MAF: variants seen among roughly 807,000 people sequenced by gnomAD.
MAF encodes the protein transcription factor Maf.
A neutral mutation model predicts 22.0 loss-of-function variants in MAF; 10 were observed. The observed-to-expected ratio is 0.45, with a 90% CI of 0.28 to 0.77. MAF has a LOEUF of 0.77. MAF is among the 30% of genes least tolerant of loss of function. MAF has a pLI of 0.12. For missense variants in MAF, 544 were observed against 548.4 expected (o/e 0.99, Z 0.08); for synonymous variants, 337 against 255.8 (o/e 1.32, Z -3.03).
the MAF span, among the ~76,000 whole-genome samples, chr16:79,571,483 G>A: frequency 1.0e-3 from 153 of 149,322 alleles, no homozygotes; most frequent in Non-Finnish European, 1.7e-3. Context: ...ATTCTTTCTA[G>A]CCTGGTGCAG....
chr16:79,228,985 C>A, the MAF span, among the ~76,000 whole-genome samples: 3 of 151,888 alleles, frequency 2.0e-5, no homozygotes, highest in South Asian at 4.1e-4. Context: ...ATCGTTAACA[C>A]ACATCCATCA....
chr16:79,351,037 T>G, the MAF span, among the ~76,000 whole-genome samples: 1 of 152,114 alleles, frequency 6.6e-6, no homozygotes, highest in Non-Finnish European at 1.5e-5. Context: ...ACTGGCCACT[T>G]CCCGGGGAAG....
the MAF span, among the ~76,000 whole-genome samples, chr16:79,246,551 T>A: frequency 1.4e-4 from 11 of 78,530 alleles, 1 homozygote; most frequent in Admixed American, 2.4e-4. Context: ...GGGGGGGGTG[T>A]GGGGGTGTAT....
chr16:79,466,709 G>C, the MAF span, among the ~76,000 whole-genome samples: 1 of 152,196 alleles, frequency 6.6e-6, no homozygotes, highest in South Asian at 2.1e-4. Flanking sequence ...AAGACTGTGT[G>C]TGTTGAATTA....
chr16:79,595,666 C>T, intron 1 of MAF: 1 of 1,058,372 alleles, frequency 9.4e-7, no homozygotes, highest in Non-Finnish European at 1.1e-6. Context: ...CCCCCATACA[C>T]AGCCTATTTT....
chr16:79,599,915 GCC>G lies in MAF; in HGVS notation c.-15_-14del. ...GTTCTGATGCCATTCTCCTGCCGCCGCCGCCGCCGCCGCCGCCGCTCCGCCAG... is the reference window on the plus strand; with the variant it reads ...GTTCTGATGCCATTCTCCTGCCGCCGGCCGCCGCCGCCGCCGCTCCGCCAG... On this transcript the variant is annotated 5_prime_UTR_variant, in exon 1 of 2. Transcript: ENST00000326043. The G allele has an allele frequency of 6.4e-7, 1 of 1,553,210 alleles. No homozygotes were observed. The highest frequency in any genetic ancestry group is 2.3e-5 in the East Asian group (1 of 44,108).
At chr16:79,336,306 T>C in the MAF span, among the ~76,000 whole-genome samples, 3 of 152,240 alleles carry the variant, frequency 2.0e-5, no homozygotes, top group Non-Finnish European at 4.4e-5. Flanking sequence ...AATACTGTTA[T>C]GATCATCCTC....
the MAF span, among the ~76,000 whole-genome samples, chr16:79,222,536 T>A: frequency 6.6e-6 from 1 of 151,970 alleles, no homozygotes; most frequent in Admixed American, 6.6e-5. Context: ...AATATTAACC[T>A]TCAATACAAA....
At chr16:79,529,684 G>C in the MAF span, among the ~76,000 whole-genome samples, 2 of 152,194 alleles carry the variant, frequency 1.3e-5, no homozygotes, top group African/African-American at 4.8e-5. Flanking sequence ...TTTTAGGCTG[G>C]GCGCGGTGGC....
chr16:79,428,512 G>A, the MAF span, among the ~76,000 whole-genome samples: 1 of 152,142 alleles, frequency 6.6e-6, no homozygotes, highest in Non-Finnish European at 1.5e-5. Context: ...CAGAGAGACA[G>A]AGAGAGAGAA....
the MAF span, chr16:79,229,545 T>G: frequency 6.6e-6 from 1 of 152,046 alleles, no homozygotes; most frequent in Non-Finnish European, 1.5e-5. Flanking sequence ...AGCCCGAAGA[T>G]GGGCTGTGAG....
the MAF span, among the ~76,000 whole-genome samples, chr16:79,307,058 A>G: frequency 6.6e-6 from 1 of 152,150 alleles, no homozygotes. Flanking sequence ...TCCGAAGGGT[A>G]TGTTTGCAAA....
At chr16:79,551,570 C>T in the MAF span, among the ~76,000 whole-genome samples, 3 of 152,288 alleles carry the variant, frequency 2.0e-5, no homozygotes, top group East Asian at 5.8e-4. Flanking sequence ...CATTTCCCTT[C>T]CTGAAGCTGT....
chr16:79,258,109 G>A, the MAF span, among the ~76,000 whole-genome samples: 1 of 152,148 alleles, frequency 6.6e-6, no homozygotes, highest in Non-Finnish European at 1.5e-5. Context: ...TTTCTGTGCT[G>A]CCTGTAAGCC....
At chr16:79,429,002 A>T in the MAF span, among the ~76,000 whole-genome samples, 126 of 152,238 alleles carry the variant, frequency 8.3e-4, 1 homozygote, top group African/African-American at 3.0e-3. Flanking sequence ...CGCTCTGGAA[A>T]TAGTTCATTT....
At chr16:79,428,554 G>A in the MAF span, among the ~76,000 whole-genome samples, 388 of 152,198 alleles carry the variant, frequency 2.5e-3, 1 homozygote, top group African/African-American at 8.7e-3. Context: ...AAGGTCATGG[G>A]AGGGACAGGG....
chr16:79,563,820 T>C, the MAF span, among the ~76,000 whole-genome samples: 1 of 152,104 alleles, frequency 6.6e-6, no homozygotes, highest in African/African-American at 2.4e-5. Flanking sequence ...ATCTGATTCC[T>C]TACACTCACC....
the MAF span, among the ~76,000 whole-genome samples, chr16:79,500,283 C>A: frequency 2.6e-5 from 4 of 152,192 alleles, no homozygotes; most frequent in Non-Finnish European, 5.9e-5. Context: ...GAACAGTGAA[C>A]AATAATCCCA....
At chr16:79,495,010 A>T in the MAF span, among the ~76,000 whole-genome samples, 1 of 152,206 alleles carries the variant, frequency 6.6e-6, no homozygotes, top group Non-Finnish European at 1.5e-5. Flanking sequence ...TGAGTAGGGT[A>T]TGGAGCTTCC....
Sources: allele counts gnomAD v4.1 joint callset (sites outside exome capture counted in the v4.1 genomes callset), GRCh38; gene constraint gnomAD v4.1.1; transcripts MANE v1.5; gene names NCBI Gene and HGNC (gene_info 2026-07-23, HGNC 2026-07-21).